Variants in PLCE1 observed in about 807,000 individuals in gnomAD.
PLCE1 encodes phospholipase C epsilon 1.
Under a neutral mutation model 242.8 loss-of-function variants are expected in PLCE1, and 119 were observed. That is an observed-to-expected ratio of 0.49 (90% confidence interval 0.42 to 0.57). The LOEUF is 0.57. Among genes scored for constraint, PLCE1 ranks in the 20% least tolerant of loss-of-function variants. The probability of loss-of-function intolerance (pLI) is 0.00; values close to 1 mark genes in which losing one functional copy is unlikely to be tolerated. For synonymous variants in PLCE1, 945 were observed against 1,017.4 expected, an observed-to-expected ratio of 0.93 and a Z score of 1.35; for missense variants, 2,441 against 2,788.8, an observed-to-expected ratio of 0.88 and a Z score of 2.81.
At chr10:94,160,335 A>T (rs2047568997) in intron 3 of PLCE1, among the ~76,000 whole-genome samples, 2 of 152,044 alleles carry the variant, frequency 1.3e-5, no homozygotes, top group African/African-American at 2.4e-5. Context: ...ATGGTATCTC[A>T]TTGTGGTTTT....
chr10:94,046,835 C>T (rs2061894073), intron 2 of PLCE1, among the ~76,000 whole-genome samples: 1 of 152,168 alleles, frequency 6.6e-6, no homozygotes, highest in African/African-American at 2.4e-5. Context: ...AATAATTGTA[C>T]CTACCTCTTA....
intron 4 of PLCE1, among the ~76,000 whole-genome samples, chr10:94,216,156 A>C (rs1430456674): frequency 6.6e-6 from 1 of 152,204 alleles, no homozygotes; most frequent in African/African-American, 2.4e-5. Context: ...TAAATGAATT[A>C]ATACCTGTTA....
At chr10:94,042,292 C>T (rs1323284406) in intron 2 of PLCE1, among the ~76,000 whole-genome samples, 1 of 152,150 alleles carries the variant, frequency 6.6e-6, no homozygotes, top group Non-Finnish European at 1.5e-5. Context: ...ATGGTAAGTA[C>T]TGGCTGGATG....
rs79923562 is a variant in PLCE1 at position 94,042,443 on chromosome 10, C to G, written c.1206+10191C>G. The stretch of plus-strand genomic sequence containing the variant: ...TGACCAATGTCACACCATGTTAGCA[C>G]TTGAACCCAGGTCTGGCTACCTCTA... On this transcript the variant is annotated intron_variant, in intron 2 of 32. Transcript: ENST00000371380. 3.9e-5 allele frequency among the ~76,000 whole-genome samples: 6 copies of G among 152,288 alleles called. No homozygotes were observed. In the East Asian group the frequency reaches 1.2e-3, roughly 29 times the overall value.
chr10:94,236,373 A>C (rs2050325039), intron 7 of PLCE1, among the ~76,000 whole-genome samples: 1 of 152,168 alleles, frequency 6.6e-6, no homozygotes, highest in Non-Finnish European at 1.5e-5. Flanking sequence ...TTAAAAAAAA[A>C]ACAAAAACCT....
At chr10:94,081,794 G>A (rs2044661495) in intron 2 of PLCE1, among the ~76,000 whole-genome samples, 1 of 152,146 alleles carries the variant, frequency 6.6e-6, no homozygotes, top group Non-Finnish European at 1.5e-5. Context: ...ACAGAGTCTG[G>A]GGTCAAACCC....
intron 3 of PLCE1, among the ~76,000 whole-genome samples, chr10:94,167,566 C>T (rs933959441): frequency 2.2e-4 from 34 of 151,558 alleles, no homozygotes; most frequent in Non-Finnish European, 4.3e-4. Context: ...ATGTGCACAA[C>T]GTGCAGGTTT....
chr10:94,258,067 A>G (rs1167546691), intron 11 of PLCE1, among the ~76,000 whole-genome samples: 1 of 152,236 alleles, frequency 6.6e-6, no homozygotes, highest in Non-Finnish European at 1.5e-5. Flanking sequence ...TCTACATTGA[A>G]TAGATGCAGC....
intron 3 of PLCE1, among the ~76,000 whole-genome samples, chr10:94,134,943 A>G (rs2046720737): frequency 6.6e-6 from 1 of 152,226 alleles, no homozygotes; most frequent in African/African-American, 2.4e-5. Flanking sequence ...CTCCTGCTGA[A>G]TAATACAATT....
At chr10:94,316,500 T>TTTAAG in intron 28 of PLCE1, 47 bp from the exon 29 acceptor site, 1 of 1,222,538 alleles carries the variant, frequency 8.2e-7, no homozygotes, top group South Asian at 1.2e-5. Context: ...GTTGATTTGT[T>TTTAAG]TTAAGTTTTT....
chr10:94,255,191 T>G, intron 11 of PLCE1, 142 bp downstream of exon 11: 2 of 963,358 alleles, frequency 2.1e-6, no homozygotes, highest in East Asian at 5.2e-5. Flanking sequence ...ATCCCAAAAT[T>G]TTAAATGATC....
chr10:94,217,161 T>C (rs1402227166), intron 4 of PLCE1, among the ~76,000 whole-genome samples: 1 of 151,844 alleles, frequency 6.6e-6, no homozygotes, highest in African/African-American at 2.4e-5. Context: ...TTACTCACTC[T>C]GAATCTCACC....
At chr10:94,315,305 T>G in intron 28 of PLCE1, 1 of 425,978 alleles carries the variant, frequency 2.3e-6, no homozygotes, top group Non-Finnish European at 4.7e-6. Context: ...GGGCTTTGCC[T>G]TATTGGCAGG....
At chr10:94,015,726 G>A (rs1305454369) in intron 1 of PLCE1, among the ~76,000 whole-genome samples, 2 of 152,184 alleles carry the variant, frequency 1.3e-5, no homozygotes, top group Non-Finnish European at 2.9e-5. Flanking sequence ...AATAGGCCAG[G>A]TTCAGGGAAT....
chr10:94,025,261 T>C (rs966169873), intron 1 of PLCE1, among the ~76,000 whole-genome samples: 3 of 152,066 alleles, frequency 2.0e-5, no homozygotes, highest in African/African-American at 7.2e-5. Context: ...TGTAACTTAG[T>C]CCCATGGCCA....
intron 13 of PLCE1, among the ~76,000 whole-genome samples, chr10:94,261,153 C>T (rs972586602): frequency 3.9e-5 from 6 of 152,126 alleles, no homozygotes; most frequent in African/African-American, 9.7e-5. Flanking sequence ...CCATCCCCCC[C>T]GCGACCTCCC....
chr10:94,241,647 G>A (rs1175553210), intron 7 of PLCE1, among the ~76,000 whole-genome samples: 13 of 152,066 alleles, frequency 8.5e-5, no homozygotes, highest in East Asian at 3.9e-4. Flanking sequence ...AAAATTAGCC[G>A]GGTGTGGTGG....
At chr10:94,318,733 G>C (rs1324650700) in intron 29 of PLCE1, among the ~76,000 whole-genome samples, 1 of 152,166 alleles carries the variant, frequency 6.6e-6, no homozygotes, top group East Asian at 1.9e-4. Flanking sequence ...AGAGGAGCTG[G>C]GGAGGTGAGG....
At chr10:94,148,458 A>G (rs1164902439) in intron 3 of PLCE1, among the ~76,000 whole-genome samples, 2 of 152,000 alleles carry the variant, frequency 1.3e-5, no homozygotes, top group African/African-American at 4.8e-5. Flanking sequence ...TTCAAGGTTC[A>G]TTTCTTCCAT....
Sources: gnomAD v4.1 joint callset for allele counts (sites outside exome capture counted in the v4.1 genomes callset) on GRCh38, gnomAD v4.1.1 for gene constraint, MANE v1.5 for transcripts, NCBI Gene and HGNC (gene_info 2026-07-23, HGNC 2026-07-21) for gene names.